Variants in IL6R observed in about 807,000 individuals in gnomAD.
IL6R encodes the protein interleukin-6 receptor subunit alpha.
IL6R carries 38 observed loss-of-function variants against 48.3 expected under a neutral mutation model. The observed-to-expected ratio is 0.79, with a 90% CI of 0.61 to 1.03. The LOEUF (loss-of-function observed/expected upper bound fraction) is 1.03, where lower values mean the gene tolerates loss of function less well. IL6R is among the 50% of genes least tolerant of loss of function. The probability of loss-of-function intolerance (pLI) is 0.00; values close to 1 mark genes in which losing one functional copy is unlikely to be tolerated. For synonymous variants in IL6R, 264 were observed against 256.2 expected (o/e 1.03, Z -0.29); for missense variants, 534 against 618.3 (o/e 0.86, Z 1.45).
At chr1:154,462,374 CTTT>C (rs34351697) in intron 9 of IL6R, among the ~76,000 whole-genome samples, 3 of 137,160 alleles carry the variant, frequency 2.2e-5, no homozygotes, top group Admixed American at 7.5e-5. Context: ...AAATCTCAGA[CTTT>C]TTTTTTTTTT....
At chr1:154,449,038 C>A (rs1279945887) in intron 7 of IL6R, among the ~76,000 whole-genome samples, 1 of 147,910 alleles carries the variant, frequency 6.8e-6, no homozygotes, top group Admixed American at 6.7e-5. Flanking sequence ...GGACTACAGG[C>A]GCCCGCGACC....
chr1:154,433,709 C>T (rs1318478514), intron 3 of IL6R, among the ~76,000 whole-genome samples: 2 of 148,990 alleles, frequency 1.3e-5, no homozygotes, highest in Non-Finnish European at 3.0e-5. Flanking sequence ...GTTTCCTCAT[C>T]TCTAGATTTT....
intron 6 of IL6R, chr1:154,437,508 G>A (rs946281231): frequency 4.5e-6 from 2 of 445,956 alleles, no homozygotes; most frequent in Admixed American, 4.7e-5. Context: ...CTGCCTCCTG[G>A]GTTCAAGCAA....
At chr1:154,424,026 G>A (rs144811906) in intron 1 of IL6R, among the ~76,000 whole-genome samples, 295 of 152,300 alleles carry the variant, frequency 1.9e-3, no homozygotes, top group African/African-American at 6.5e-3. Flanking sequence ...TACTGGATTT[G>A]GCAAAGGCAG....
At position 154,405,517 on chromosome 1, in the gene IL6R, C is replaced by T. The variant is rs1687649106; in HGVS notation, c.-113C>T. 2 of 629,148 alleles carry T rather than the reference C, an allele frequency of 3.2e-6. No homozygotes were observed. The highest frequency in any genetic ancestry group is 2.6e-6 in the Non-Finnish European group (1 of 385,774). The allele number at this position is 629,148 out of a possible 1,614,324, so 39.0% of individuals were successfully genotyped here. A position where few individuals can be genotyped will look rare whatever the true frequency, so the allele number is the denominator to read the frequency against. ...TGCGGATGGGGGCTGCCCCCGGGGCCTGAGCCCGCCTGCCCGCCCACCGCC... is the reference window on the plus strand; with the variant it reads ...TGCGGATGGGGGCTGCCCCCGGGGCTTGAGCCCGCCTGCCCGCCCACCGCC... On this transcript the variant is annotated 5_prime_UTR_variant, in exon 1 of 10. Coordinates refer to ENST00000368485, the MANE Select transcript of IL6R (RefSeq NM_000565.4). The surrounding 1 kb of genome is among the most constrained non-coding windows in gnomAD (Gnocchi z 5.2).
At chr1:154,444,850 CTA>C (rs996911761) in intron 6 of IL6R, among the ~76,000 whole-genome samples, 2 of 152,104 alleles carry the variant, frequency 1.3e-5, no homozygotes, top group African/African-American at 4.8e-5. Context: ...CTGCAATGAG[CTA>C]TGATTGCACT....
intron 1 of IL6R, among the ~76,000 whole-genome samples, chr1:154,427,574 A>AGGG (rs1254273859): frequency 2.0e-4 from 31 of 152,320 alleles, no homozygotes; most frequent in Middle Eastern, 3.4e-3. Context: ...AGAGGGTGCC[A>AGGG]GGGAGGAGGA....
intron 8 of IL6R, 83 bp downstream of exon 8, chr1:154,450,063 T>G: frequency 1.2e-6 from 1 of 861,730 alleles, no homozygotes; most frequent in Non-Finnish European, 2.0e-6. Flanking sequence ...TATTTGGACA[T>G]GTCGTCAGAG....
intron 1 of IL6R, among the ~76,000 whole-genome samples, chr1:154,428,779 G>T (rs1156995949): frequency 6.6e-6 from 1 of 152,166 alleles, no homozygotes; most frequent in Non-Finnish European, 1.5e-5. Context: ...AGGAGTTGTC[G>T]TGGGGATGAT....
intron 3 of IL6R, among the ~76,000 whole-genome samples, chr1:154,431,777 T>C (rs533323225): frequency 6.6e-6 from 1 of 152,298 alleles, no homozygotes; most frequent in South Asian, 2.1e-4. Context: ...CGAGCCATGA[T>C]GATGGCGGTG....
chr1:154,424,106 A>C (rs764317864), intron 1 of IL6R, among the ~76,000 whole-genome samples: 8 of 152,198 alleles, frequency 5.3e-5, no homozygotes, highest in Non-Finnish European at 7.3e-5. Flanking sequence ...TCTGCCCCCC[A>C]GCCTGGGGCC....
At chr1:154,446,333 G>A (rs1209834756) in intron 6 of IL6R, among the ~76,000 whole-genome samples, 5 of 151,996 alleles carry the variant, frequency 3.3e-5, no homozygotes, top group Admixed American at 2.6e-4. Flanking sequence ...ACTTCCTCTG[G>A]TGCTGCTGGT....
chr1:154,406,187 C>A (rs910113507), intron 1 of IL6R, among the ~76,000 whole-genome samples: 1 of 152,046 alleles, frequency 6.6e-6, no homozygotes, highest in East Asian at 1.9e-4. Context: ...GTCCTCCCCC[C>A]ACCCCCGCGG....
intron 1 of IL6R, among the ~76,000 whole-genome samples, chr1:154,426,076 GACACACACACAC>G (rs34280647): frequency 5.0e-5 from 6 of 119,880 alleles, no homozygotes; most frequent in South Asian, 2.6e-4. Context: ...CCCTGTATCA[GACACACACACAC>G]ACACACACAC....
At chr1:154,439,357 C>A (rs1296954744) in intron 6 of IL6R, among the ~76,000 whole-genome samples, 1 of 152,186 alleles carries the variant, frequency 6.6e-6, no homozygotes, top group Non-Finnish European at 1.5e-5. Flanking sequence ...CTCTGTCGCC[C>A]AGGCTAGAGT....
At position 154,434,543 on chromosome 1, in the gene IL6R, C is replaced by T. The variant is rs1689496951; in HGVS notation, c.483C>T (p.Phe161=). The T allele has an allele frequency of 1.2e-6, 2 of 1,613,848 alleles. No individual in the cohort carries two copies. Among genetic ancestry groups the T allele is most frequent in the Non-Finnish European group, 1.7e-6 (2 of 1,179,958 alleles). Residue 161 remains phenylalanine (F), a synonymous_variant, in exon 4 of 10, where the codon TTC becomes TTT. Transcript: ENST00000368485. Reference sequence around the variant, plus strand: ...GTCAGAACAGTCCGGCCGAAGACTTCCAGGAGCCGTGCCAGTATTCCCAGG... The same window carrying T: ...GTCAGAACAGTCCGGCCGAAGACTTTCAGGAGCCGTGCCAGTATTCCCAGG... ...RKFQNSPAED[F]QEPCQYSQES... is the part of the protein sequence containing the mutation.
chr1:154,452,702 G>T (rs1690653105), intron 8 of IL6R, among the ~76,000 whole-genome samples: 1 of 151,886 alleles, frequency 6.6e-6, no homozygotes, highest in Admixed American at 6.6e-5. Flanking sequence ...GTGGTGGCGG[G>T]TGCCTGTAGT....
chr1:154,412,369 T>A (rs571496158), intron 1 of IL6R, among the ~76,000 whole-genome samples: 80 of 152,198 alleles, frequency 5.3e-4, no homozygotes, highest in African/African-American at 1.9e-3. Context: ...TTCTCCTGCC[T>A]CAGCCTCCTG....
chr1:154,414,775 C>A (rs958311895), intron 1 of IL6R: 2 of 765,112 alleles, frequency 2.6e-6, no homozygotes, highest in Admixed American at 3.8e-5. Context: ...GGCAGGCAGC[C>A]ACTCCAGCTC....
Sources: allele counts gnomAD v4.1 joint callset (sites outside exome capture counted in the v4.1 genomes callset), GRCh38; gene constraint gnomAD v4.1.1; non-coding constraint Gnocchi (gnomAD v3.1); transcripts MANE v1.5; gene names NCBI Gene and HGNC (gene_info 2026-07-23, HGNC 2026-07-21).